EEF1AKMT1: variants seen among roughly 807,000 people sequenced by gnomAD.
The protein encoded by EEF1AKMT1 is N-6 adenine-specific DNA methyltransferase 2 (putative).
A neutral mutation model predicts 21.0 loss-of-function variants in EEF1AKMT1; 18 were observed. That is an observed-to-expected ratio of 0.86 (90% CI 0.59 to 1.27). The LOEUF (loss-of-function observed/expected upper bound fraction) is 1.27, where lower values mean the gene tolerates loss of function less well. Ranked by LOEUF, EEF1AKMT1 falls within the 50% of genes most tolerant of loss-of-function variation. The pLI is 0.00. For missense variants in EEF1AKMT1, 246 were observed against 258.6 expected, an observed-to-expected ratio of 0.95 and a Z score of 0.33; for synonymous variants, 109 against 94.8, an observed-to-expected ratio of 1.15 and a Z score of -0.87.
chr13:20,736,396 C>T (rs994021244), intron 3 of EEF1AKMT1, among the ~76,000 whole-genome samples: 5 of 152,080 alleles, frequency 3.3e-5, no homozygotes, highest in Non-Finnish European at 5.9e-5. Context: ...AACTTCCCTC[C>T]TACGTGCCTT....
In EEF1AKMT1 at chr13:20,731,972, A is replaced by T; in HGVS notation, c.377T>A (p.Leu126Ter). 6.2e-7 allele frequency: 1 copy of T among 1,614,242 alleles called. No individual in the cohort carries two copies. The highest frequency in any genetic ancestry group is 8.5e-7 in the Non-Finnish European group (1 of 1,180,044). Reference protein sequence around the residue: ...IFYDYNNPLDLPERIAAHSFD... With the variant: ...IFYDYNNPLD Reference sequence around the variant, plus strand: ...ACTATGTGCAGCAATTCTTTCGGGTAAGTCCAATGGATTATTGTAATCATA... The same window carrying T: ...ACTATGTGCAGCAATTCTTTCGGGTTAGTCCAATGGATTATTGTAATCATA... Residue 126 changes from leucine to a stop codon, truncating the protein, a stop_gained, in exon 4 of 5, where the codon TTA becomes TAA. Coordinates refer to ENST00000382758, the MANE Select transcript of EEF1AKMT1 (RefSeq NM_001318939.2). LOFTEE classifies it high-confidence loss of function.
At chr13:20,755,169 T>G (rs2058965279) in intron 2 of EEF1AKMT1, among the ~76,000 whole-genome samples, 1 of 152,212 alleles carries the variant, frequency 6.6e-6, no homozygotes, top group African/African-American at 2.4e-5. Flanking sequence ...CTACTGGCAG[T>G]GGGGTTGCTT....
chr13:20,765,561 G>A (rs8001310), intron 1 of EEF1AKMT1, among the ~76,000 whole-genome samples: 11 of 151,142 alleles, frequency 7.3e-5, no homozygotes, highest in African/African-American at 2.4e-4. Flanking sequence ...TACAAGCGCC[G>A]GCCACCACAC....
At position 20,742,946 on chromosome 13, in the gene EEF1AKMT1, T is replaced by TTA. The variant is rs1595017967; in HGVS notation, c.145-5142_145-5141insTA. 5.9e-5 allele frequency among the ~76,000 whole-genome samples: 9 copies of TTA among 152,358 alleles called. No individual in the cohort carries two copies. In the East Asian group the frequency reaches 1.7e-3, roughly 29 times the overall value. On this transcript the variant is annotated intron_variant, in intron 2 of 4. Transcript: ENST00000382758. The stretch of plus-strand genomic sequence containing the variant: ...GTCTCTTAAACTTGTTTATGGTATC[T>TTA]TCTGTTATCAATACGTTTATTTTGT...
Position 20,737,788 on chromosome 13 carries a change from C to T in EEF1AKMT1, c.162G>A (p.Trp54Ter), listed in dbSNP as rs1483980799. Reference protein sequence around the residue: ...IEENWQLSQFWYSQETALQLA... With the variant: ...IEENWQLSQF ...GCTGCAGAGCAGTTTCCTGACTATA[C>T]CAAAACTGGCTCAGTTGCTGTAACC... Residue 54 changes from tryptophan (W) to a stop codon, truncating the protein, a stop_gained, in exon 3 of 5, where the codon TGG becomes TGA. Coordinates refer to ENST00000382758, the MANE Select transcript of EEF1AKMT1 (RefSeq NM_001318939.2). LOFTEE classifies it high-confidence loss of function. 6.2e-7 allele frequency: 1 copy of T among 1,612,358 alleles called. No homozygotes were observed. The highest frequency in any genetic ancestry group is 8.5e-7 in the Non-Finnish European group (1 of 1,179,262).
chr13:20,770,429 A>G (rs979495015), intron 1 of EEF1AKMT1, among the ~76,000 whole-genome samples: 5 of 152,220 alleles, frequency 3.3e-5, no homozygotes, highest in African/African-American at 1.2e-4. Flanking sequence ...GGGGTTGTCT[A>G]TAGAAGTCCC....
Position 20,729,048 on chromosome 13 carries a change from G to T in EEF1AKMT1, c.*32C>A. 6.2e-7 allele frequency: 1 copy of T among 1,612,736 alleles called. No homozygotes were observed. Among genetic ancestry groups the T allele is most frequent in the Non-Finnish European group, 8.5e-7 (1 of 1,178,960 alleles). On this transcript the variant is annotated 3_prime_UTR_variant, in exon 5 of 5. Transcript: ENST00000382758. ...AAATACAAAAAGAGGAATGTGACAG[G>T]GTTCCTTCCTGTGTTATGTCACCGT...
At chr13:20,768,889 A>G (rs758718223) in intron 1 of EEF1AKMT1, 1 of 152,092 alleles carries the variant, frequency 6.6e-6, no homozygotes, top group Non-Finnish European at 1.5e-5. Flanking sequence ...CATTGAAAAG[A>G]AAGTTTAATG....
intron 1 of EEF1AKMT1, among the ~76,000 whole-genome samples, chr13:20,762,158 T>C (rs544974346): frequency 6.7e-6 from 1 of 150,342 alleles, no homozygotes; most frequent in East Asian, 2.0e-4. Context: ...AGTTCATCTT[T>C]GATGTATTTC....
chr13:20,747,398 C>T, intron 2 of EEF1AKMT1: 1 of 228,302 alleles, frequency 4.4e-6, no homozygotes, highest in South Asian at 7.8e-5. Flanking sequence ...CACTCAGTTG[C>T]CCTCAACACA....
chr13:20,758,185 A>G (rs895528001), intron 1 of EEF1AKMT1, among the ~76,000 whole-genome samples: 5 of 151,684 alleles, frequency 3.3e-5, no homozygotes, highest in African/African-American at 7.3e-5. Context: ...GCATTTTAGC[A>G]TCTATTCTCT....
At chr13:20,766,091 A>G (rs757057495) in intron 1 of EEF1AKMT1, among the ~76,000 whole-genome samples, 23 of 151,418 alleles carry the variant, frequency 1.5e-4, no homozygotes, top group Non-Finnish European at 2.8e-4. Flanking sequence ...TGAGGTTAGG[A>G]GTTCAAGACC....
rs905777844 is a variant in EEF1AKMT1, at chr13:20,757,496, C to T, written c.103G>A (p.Glu35Lys). The change falls in exon 2 of 5, where the codon GAG (glutamate) becomes AAG (lysine). Residue 35 changes from glutamate (E) to lysine (K), a missense_variant. Glu to Lys is a moderately conservative substitution (Grantham distance 56). Coordinates refer to ENST00000382758, the MANE Select transcript of EEF1AKMT1 (RefSeq NM_001318939.2). ...AEQKQQIEPG[E>K]DDKYNIGIIE... ...ATTCCAATGTTATATTTATCATCCTCGCCTGGCTCAATTTGTTGCTTTTGC... is the reference window on the plus strand; with the variant it reads ...ATTCCAATGTTATATTTATCATCCTTGCCTGGCTCAATTTGTTGCTTTTGC... The T allele has an allele frequency of 1.1e-5, 17 of 1,614,050 alleles. No homozygotes were observed. The highest frequency in any genetic ancestry group is 6.7e-5 in the African/African-American group (5 of 74,918).
intron 4 of EEF1AKMT1, among the ~76,000 whole-genome samples, chr13:20,730,614 A>G (rs1595009093): frequency 6.6e-6 from 1 of 152,252 alleles, no homozygotes; most frequent in African/African-American, 2.4e-5. Context: ...CAATCATCCC[A>G]CTGAGAGGTG....
intron 1 of EEF1AKMT1, among the ~76,000 whole-genome samples, chr13:20,760,182 C>T (rs1310181373): frequency 7.3e-5 from 11 of 150,736 alleles, no homozygotes; most frequent in African/African-American, 2.7e-4. Flanking sequence ...TTATACACTG[C>T]GGGTATGAAT....
intron 4 of EEF1AKMT1, among the ~76,000 whole-genome samples, chr13:20,729,965 T>C (rs1231441928): frequency 6.6e-6 from 1 of 152,196 alleles, no homozygotes; most frequent in Non-Finnish European, 1.5e-5. Context: ...CTTGGGCTTC[T>C]GAAGAAAACC....
At chr13:20,771,995 G>A (rs1314850317) in intron 1 of EEF1AKMT1, among the ~76,000 whole-genome samples, 1 of 143,152 alleles carries the variant, frequency 7.0e-6, no homozygotes, top group Non-Finnish European at 1.5e-5. Flanking sequence ...TGAATGACAG[G>A]AGTGAGACTA....
At chr13:20,765,190 G>C (rs2059021851) in intron 1 of EEF1AKMT1, among the ~76,000 whole-genome samples, 1 of 151,926 alleles carries the variant, frequency 6.6e-6, no homozygotes, top group African/African-American at 2.4e-5. Flanking sequence ...GAACCCGGGA[G>C]GCAGAGGTTA....
At chr13:20,748,876 C>T (rs1038166909) in intron 2 of EEF1AKMT1, among the ~76,000 whole-genome samples, 2 of 151,764 alleles carry the variant, frequency 1.3e-5, no homozygotes, top group Admixed American at 1.3e-4. Context: ...ACTACAGGCA[C>T]GCGCCACCAT....
Sources: gnomAD v4.1 joint callset for allele counts (sites outside exome capture counted in the v4.1 genomes callset) on GRCh38, gnomAD v4.1.1 for gene constraint, MANE v1.5 for transcripts, NCBI Gene and HGNC (gene_info 2026-07-23, HGNC 2026-07-21) for gene names.